The following SEC14L4 variants were observed in gnomAD, a reference collection of about 807,000 sequenced individuals.
The protein encoded by SEC14L4 is SEC14 like lipid binding 4.
SEC14L4 carries 42 observed loss-of-function variants against 55.1 expected under a neutral mutation model. That is an observed-to-expected ratio of 0.76 (90% CI 0.60 to 0.99). The LOEUF is 0.99. Ranked by LOEUF, SEC14L4 falls within the 50% of genes least tolerant of loss-of-function variation. The probability of loss-of-function intolerance (pLI) is 0.00; values close to 1 mark genes in which losing one functional copy is unlikely to be tolerated. For missense variants in SEC14L4, 445 were observed against 512.1 expected (o/e 0.87, Z 1.27); for synonymous variants, 206 against 206.8 (o/e 1.00, Z 0.03).
intron 6 of SEC14L4, among the ~76,000 whole-genome samples, chr22:30,494,479 C>T (rs1023364877): frequency 2.0e-5 from 3 of 152,262 alleles, no homozygotes; most frequent in African/African-American, 4.8e-5. Context: ...GAGATCCTCC[C>T]GCCTCAGCCA....
At chr22:30,493,706 A>G (rs74797538) in intron 7 of SEC14L4, among the ~76,000 whole-genome samples, 1,738 of 152,298 alleles carry the variant, frequency 0.011, 29 homozygotes, top group African/African-American at 0.039. Flanking sequence ...GACTGAAACT[A>G]AAAAATAAAG....
intron 9 of SEC14L4, 32 bp from the exon 10 acceptor site, chr22:30,492,005 T>A: frequency 1.2e-6 from 2 of 1,613,776 alleles, no homozygotes; most frequent in Non-Finnish European, 1.7e-6. Flanking sequence ...GGGCACTAGA[T>A]CACAGCTTCT....
In SEC14L4 at chr22:30,489,266, G is replaced by T. The variant is rs1292344883; in HGVS notation, c.*841C>A. ...GTTTGTTTGTTTGTTTAGAGACGGA[G>T]TCTGGCTCTGTTGCCCAGGCTGGAG... On this transcript the variant is annotated 3_prime_UTR_variant, in exon 12 of 12. Coordinates refer to ENST00000255858, the MANE Select transcript of SEC14L4 (RefSeq NM_174977.4). The T allele has an allele frequency of 6.4e-6, 1 of 155,214 alleles. No individual in the cohort carries two copies. Among genetic ancestry groups the T allele is most frequent in the African/African-American group, 2.4e-5 (1 of 41,432 alleles). 9.6% of individuals were successfully genotyped at this position (155,214 alleles called of 1,614,324 possible). A position where few individuals can be genotyped will look rare whatever the true frequency, so the allele number is the denominator to read the frequency against.
chr22:30,492,298 T>C (rs1324555146), intron 8 of SEC14L4, 143 bp from the exon 9 acceptor site: 3 of 1,211,380 alleles, frequency 2.5e-6, no homozygotes, highest in African/African-American at 1.5e-5. Flanking sequence ...AAGACCTTTA[T>C]GTGGCTCCCA....
rs535467711 is a variant in SEC14L4, at chr22:30,491,238, G to T, written c.1081+335C>A. On this transcript the variant is annotated intron_variant, in intron 11 of 11. Coordinates refer to ENST00000255858, the MANE Select transcript of SEC14L4 (RefSeq NM_174977.4). Reference sequence around the variant, plus strand: ...GTCACCTCTTTGGGACTCCTGGAGTGGGGTGGTTCATGCAACTGGGTGGTC... The same window carrying T: ...GTCACCTCTTTGGGACTCCTGGAGTTGGGTGGTTCATGCAACTGGGTGGTC... 4.9e-4 allele frequency among the ~76,000 whole-genome samples: 74 copies of T among 152,258 alleles called. 1 individual carries two copies. The highest frequency in any genetic ancestry group is 1.8e-3 in the African/African-American group (73 of 41,530).
At chr22:30,491,418 C>G (rs996413397) in intron 11 of SEC14L4, 155 bp downstream of exon 11, 5 of 778,536 alleles carry the variant, frequency 6.4e-6, no homozygotes. Context: ...GCCCTCATAC[C>G]TACAGGTAGG....
intron 7 of SEC14L4, chr22:30,492,853 G>C: frequency 3.0e-6 from 1 of 330,390 alleles, no homozygotes; most frequent in South Asian, 3.4e-5. Context: ...GGAGGCTGAG[G>C]TAGGCAGATC....
At position 30,495,349 on chromosome 22, in the gene SEC14L4, C is replaced by T; in HGVS notation, c.328G>A (p.Gly110Ser). The T allele has an allele frequency of 1.2e-6, 2 of 1,614,048 alleles. No individual in the cohort carries two copies. Among genetic ancestry groups the T allele is most frequent in the Non-Finnish European group, 1.7e-6 (2 of 1,179,990 alleles). ...FNIIGSLDPK[G>S]LLLSASKQDM... ...TGCTTGGAGGCTGACAGCAGGAGAC[C>T]CTTGGGGTCGAGGGACCCAATGATG... The change falls in exon 5 of 12, where the codon GGT (glycine) becomes AGT (serine). Residue 110 changes from glycine to serine, a missense_variant. Physicochemically the swap from Gly to Ser is moderately conservative, Grantham distance 56. Transcript: ENST00000255858.
Position 30,489,835 on chromosome 22 carries a change from G to T in SEC14L4, c.*272C>A. ...CTTCTGCAAGCAGGACCCATCCTCAGTGGACTGGATCATCTTCAGCGTTCT... is the reference window on the plus strand; with the variant it reads ...CTTCTGCAAGCAGGACCCATCCTCATTGGACTGGATCATCTTCAGCGTTCT... On this transcript the variant is annotated 3_prime_UTR_variant, in exon 12 of 12. Coordinates refer to ENST00000255858, the MANE Select transcript of SEC14L4 (RefSeq NM_174977.4). 1 of 1,547,344 alleles carries T rather than the reference G, an allele frequency of 6.5e-7. No individual in the cohort carries two copies. Among genetic ancestry groups the T allele is most frequent in the Non-Finnish European group, 8.7e-7 (1 of 1,142,998 alleles).
chr22:30,492,536 G>T lies in SEC14L4; in HGVS notation c.602C>A (p.Ala201Asp). 6.2e-7 allele frequency: 1 copy of T among 1,613,814 alleles called. No individual in the cohort carries two copies. The highest frequency in any genetic ancestry group is 8.5e-7 in the Non-Finnish European group (1 of 1,179,748). ...CATGAACGACTTGACCAAGTTGAAG[G>T]CCACGGGGAACAGTTTTGGGGCTGA... is the stretch of plus-strand genomic sequence containing the variant. Reference protein sequence around the residue: ...VIRAPKLFPVAFNLVKSFMSE... With the variant: ...VIRAPKLFPVDFNLVKSFMSE... The change falls in exon 8 of 12, where the codon GCC becomes GAC. Residue 201 changes from alanine (A) to aspartate (D), a missense_variant. Ala to Asp is a moderately radical substitution (Grantham distance 126). Coordinates refer to ENST00000255858, the MANE Select transcript of SEC14L4 (RefSeq NM_174977.4).
intron 2 of SEC14L4, among the ~76,000 whole-genome samples, chr22:30,496,401 GGCGCGA>G (rs1199616195): frequency 6.6e-6 from 1 of 152,166 alleles, no homozygotes; most frequent in Non-Finnish European, 1.5e-5. Context: ...TGGAATTACA[GGCGCGA>G]GCCTCTGTGC....
At position 30,490,061 on chromosome 22, in the gene SEC14L4, T is replaced by G. The variant is rs1935899847; in HGVS notation, c.*46A>C. On this transcript the variant is annotated 3_prime_UTR_variant, in exon 12 of 12. Transcript: ENST00000255858. ...CCTGGGAAGGCAGGGGTCAGAGGGG[T>G]GGGTGTGAAGGGGTTGGAGTGCACA... 1 of 1,602,412 alleles carries G rather than the reference T, an allele frequency of 6.2e-7. No homozygotes were observed. Among genetic ancestry groups the G allele is most frequent in the East Asian group, 2.2e-5 (1 of 44,616 alleles).
chr22:30,503,717 C>A lies in SEC14L4; in HGVS notation c.90G>T (p.Leu30=), dbSNP rs1936405014. ...RENLQDLLPI[L]PNADDYFLLR... is the part of the protein sequence containing the mutation. ...GGAGGAAGTAGTCATCAGCATTGGG[C>A]AGTATGGGCAGCAGGTCCTGGAGGT... Residue 30 remains leucine (L), a synonymous_variant, in exon 2 of 12, where the codon CTG becomes CTT. Transcript: ENST00000255858. The A allele has an allele frequency of 1.2e-5, 19 of 1,612,472 alleles. No homozygotes were observed. The highest frequency in any genetic ancestry group is 1.6e-5 in the Non-Finnish European group (19 of 1,178,974).
intron 2 of SEC14L4, among the ~76,000 whole-genome samples, chr22:30,496,573 C>T (rs1237836096): frequency 6.6e-6 from 1 of 152,092 alleles, no homozygotes; most frequent in East Asian, 1.9e-4. Context: ...CCCCCCCCAC[C>T]ACCTGCACAG....
At chr22:30,499,001 C>A (rs535605046) in intron 2 of SEC14L4, among the ~76,000 whole-genome samples, 2 of 151,820 alleles carry the variant, frequency 1.3e-5, no homozygotes, top group African/African-American at 2.4e-5. Flanking sequence ...AGTGCAGTGG[C>A]GCGATCTCGG....
intron 2 of SEC14L4, among the ~76,000 whole-genome samples, chr22:30,498,188 T>A (rs1426870215): frequency 6.8e-6 from 1 of 146,106 alleles, no homozygotes; most frequent in Admixed American, 7.1e-5. Context: ...GGAGTGCAGA[T>A]CTCAGCTCAC....
In SEC14L4 at chr22:30,490,258, G is replaced by A. The variant is rs552199387; in HGVS notation, c.1082-12C>T. 1 of 1,611,948 alleles carries A rather than the reference G, an allele frequency of 6.2e-7. No homozygotes were observed. Among genetic ancestry groups the A allele is most frequent in the East Asian group, 2.2e-5 (1 of 44,876 alleles). On this transcript the variant is annotated splice_polypyrimidine_tract_variant and intron_variant, in intron 11 of 11. Coordinates refer to ENST00000255858, the MANE Select transcript of SEC14L4 (RefSeq NM_174977.4). ...GAAGCGCAGGACATCTGCAGTGATGGAGAGGTGATCAGGGAGCACAAACCC... is the reference window on the plus strand; with the variant it reads ...GAAGCGCAGGACATCTGCAGTGATGAAGAGGTGATCAGGGAGCACAAACCC...
Position 30,490,039 on chromosome 22 carries a change from G to C in SEC14L4, c.*68C>G. 1 of 1,595,854 alleles carries C rather than the reference G, an allele frequency of 6.3e-7. No homozygotes were observed. Among genetic ancestry groups the C allele is most frequent in the Non-Finnish European group, 8.5e-7 (1 of 1,170,094 alleles). On this transcript the variant is annotated 3_prime_UTR_variant, in exon 12 of 12. Coordinates refer to ENST00000255858, the MANE Select transcript of SEC14L4 (RefSeq NM_174977.4). ...AGCCACCTCCAGCACCACCCTGCCT[G>C]GGAAGGCAGGGGTCAGAGGGGTGGG...
rs1322216057 is a variant in SEC14L4 at position 30,490,026 on chromosome 22, C to T, written c.*81G>A. ...AGTGGCTCTCTGCAGCCACCTCCAG[C>T]ACCACCCTGCCTGGGAAGGCAGGGG... On this transcript the variant is annotated 3_prime_UTR_variant, in exon 12 of 12. Transcript: ENST00000255858. 1.3e-6 allele frequency: 2 copies of T among 1,586,128 alleles called. No individual in the cohort carries two copies. The highest frequency in any genetic ancestry group is 2.7e-5 in the African/African-American group (2 of 74,440).
Sources: gnomAD v4.1 joint callset for allele counts (sites outside exome capture counted in the v4.1 genomes callset) on GRCh38, gnomAD v4.1.1 for gene constraint, MANE v1.5 for transcripts, NCBI Gene and HGNC (gene_info 2026-07-23, HGNC 2026-07-21) for gene names.